Variants in ARID1B observed in about 807,000 individuals in gnomAD.
The protein encoded by ARID1B is AT-rich interaction domain 1B.
A neutral mutation model predicts 212.3 loss-of-function variants in ARID1B; 30 were observed. The ratio of observed to expected loss-of-function variants is 0.14; its 90% CI spans 0.11 to 0.19. The LOEUF is 0.19. ARID1B is among the 10% of genes least tolerant of loss of function. ARID1B has a pLI of 1.00. For missense variants in ARID1B, 2,891 were observed against 3,204.0 expected (o/e 0.90, Z 2.36); for synonymous variants, 1,402 against 1,301.7 (o/e 1.08, Z -1.66).
At chr6:156,987,374 A>T (rs1011630892) in intron 4 of ARID1B, among the ~76,000 whole-genome samples, 1 of 146,980 alleles carries the variant, frequency 6.8e-6, no homozygotes, top group Non-Finnish European at 1.5e-5. Flanking sequence ...TCTGTCTCCC[A>T]GGCTGGAGTG....
intron 4 of ARID1B, among the ~76,000 whole-genome samples, chr6:157,021,527 C>A (rs1255646862): frequency 6.6e-6 from 1 of 152,230 alleles, no homozygotes; most frequent in South Asian, 2.1e-4. Context: ...CCCTCCCTAC[C>A]CCGCACGTAG....
chr6:156,881,851 C>T (rs1787126374), intron 2 of ARID1B, among the ~76,000 whole-genome samples: 2 of 152,122 alleles, frequency 1.3e-5, no homozygotes, highest in Admixed American at 1.3e-4. Context: ...GAGGAGGCAT[C>T]CTGAAGGCTA....
chr6:157,186,417 C>G (rs371857613), intron 13 of ARID1B: 1 of 470,956 alleles, frequency 2.1e-6, no homozygotes, highest in African/African-American at 2.0e-5. Context: ...CTCCTGGTCT[C>G]GTCCAGCCCC....
At chr6:157,024,048 A>G (rs564959310) in intron 4 of ARID1B, 1 of 152,274 alleles carries the variant, frequency 6.6e-6, no homozygotes, top group Non-Finnish European at 1.5e-5. Context: ...CCTACATTTC[A>G]TATGAGATTT....
intron 3 of ARID1B, among the ~76,000 whole-genome samples, chr6:156,926,767 C>T (rs536168655): frequency 9.8e-5 from 15 of 152,292 alleles, no homozygotes; most frequent in East Asian, 3.9e-4. Flanking sequence ...ACTGCAACTT[C>T]GCCTCCCAGG....
At chr6:157,029,735 G>C (rs1261760492) in intron 4 of ARID1B, among the ~76,000 whole-genome samples, 1 of 152,228 alleles carries the variant, frequency 6.6e-6, no homozygotes, top group Non-Finnish European at 1.5e-5. Context: ...AGGCAAGCCA[G>C]TGCAGCGGGA....
intron 4 of ARID1B, among the ~76,000 whole-genome samples, chr6:157,068,173 G>A (rs936379767): frequency 2.0e-5 from 3 of 152,136 alleles, no homozygotes; most frequent in Admixed American, 6.6e-5. Flanking sequence ...ACAAAAATCC[G>A]TTGCCTTATC....
At chr6:156,933,137 G>A (rs148662218) in intron 3 of ARID1B, among the ~76,000 whole-genome samples, 12 of 152,090 alleles carry the variant, frequency 7.9e-5, no homozygotes, top group African/African-American at 2.9e-4. Flanking sequence ...AGCCTCTTTA[G>A]AAAGCAGTTC....
chr6:156,855,058 A>G (rs979312611), intron 2 of ARID1B, among the ~76,000 whole-genome samples: 8 of 152,158 alleles, frequency 5.3e-5, no homozygotes, highest in Admixed American at 4.6e-4. Context: ...TATATCATAG[A>G]AGGCATTTCA....
intron 17 of ARID1B, 60 bp downstream of exon 17, chr6:157,198,967 C>T: frequency 1.5e-6 from 2 of 1,339,744 alleles, no homozygotes; most frequent in South Asian, 2.8e-5. Flanking sequence ...GAGGCTAAAA[C>T]TCAAACTTGT....
intron 3 of ARID1B, among the ~76,000 whole-genome samples, chr6:156,927,141 T>C (rs1791290291): frequency 6.6e-6 from 1 of 152,228 alleles, no homozygotes; most frequent in Admixed American, 6.5e-5. Context: ...ATGGAATATA[T>C]ATTATTGTTT....
chr6:156,928,470 T>G (rs1182870595), intron 3 of ARID1B, among the ~76,000 whole-genome samples: 3 of 152,140 alleles, frequency 2.0e-5, no homozygotes, highest in African/African-American at 4.8e-5. Context: ...AACAGGTCTG[T>G]GGGGTCATTT....
At chr6:157,039,124 C>G (rs1340911211) in intron 4 of ARID1B, among the ~76,000 whole-genome samples, 4 of 152,024 alleles carry the variant, frequency 2.6e-5, no homozygotes, top group Non-Finnish European at 4.4e-5. Flanking sequence ...CTGGTCTTGG[C>G]CTCCCAAAGA....
At chr6:157,011,331 T>A (rs1336730807) in intron 4 of ARID1B, among the ~76,000 whole-genome samples, 1 of 152,242 alleles carries the variant, frequency 6.6e-6, no homozygotes, top group Non-Finnish European at 1.5e-5. Context: ...GTATTGTAGT[T>A]CTATGATAAA....
intron 4 of ARID1B, among the ~76,000 whole-genome samples, chr6:157,039,811 TTTC>T (rs1275017323): frequency 7.1e-6 from 1 of 140,560 alleles, no homozygotes; most frequent in Non-Finnish European, 1.5e-5. Flanking sequence ...TTTCTCTTTC[TTTC>T]TTTTTCTCTC....
chr6:156,858,070 C>T (rs1046362513), intron 2 of ARID1B, among the ~76,000 whole-genome samples: 6 of 152,054 alleles, frequency 3.9e-5, no homozygotes, highest in Non-Finnish European at 8.8e-5. Context: ...CCTGTCATTT[C>T]GAACAACGTG....
At chr6:156,940,976 T>A (rs552497075) in intron 4 of ARID1B, 22 of 152,316 alleles carry the variant, frequency 1.4e-4, no homozygotes, top group African/African-American at 5.1e-4. Context: ...GAAACCTTTT[T>A]ATTTGAGGTT....
chr6:156,817,882 T>C (rs1420467373), intron 1 of ARID1B, among the ~76,000 whole-genome samples: 1 of 152,152 alleles, frequency 6.6e-6, no homozygotes, highest in Non-Finnish European at 1.5e-5. Flanking sequence ...TCTTTACTCC[T>C]AGATACTTCA....
intron 2 of ARID1B, among the ~76,000 whole-genome samples, chr6:156,878,239 G>A (rs1258616772): frequency 1.3e-5 from 2 of 151,984 alleles, no homozygotes; most frequent in African/African-American, 2.4e-5. Flanking sequence ...TTGTGTCAGC[G>A]AGGATTCTTA....
Sources: gnomAD v4.1 joint callset for allele counts (sites outside exome capture counted in the v4.1 genomes callset) on GRCh38, gnomAD v4.1.1 for gene constraint, MANE v1.5 for transcripts, NCBI Gene and HGNC (gene_info 2026-07-23, HGNC 2026-07-21) for gene names.